The following MECOM variants were observed in gnomAD, a reference collection of about 807,000 sequenced individuals.
The protein encoded by MECOM is histone-lysine N-methyltransferase MECOM.
MECOM carries 13 observed loss-of-function variants against 116.3 expected under a neutral mutation model. The ratio of observed to expected loss-of-function variants is 0.11; its 90% confidence interval spans 0.07 to 0.18. The LOEUF (loss-of-function observed/expected upper bound fraction) is 0.18. Among genes scored for constraint, MECOM ranks in the 10% least tolerant of loss-of-function variants. The pLI, the probability that MECOM is intolerant of heterozygous loss-of-function variation, is 1.00. For missense variants in MECOM, 1,299 were observed against 1,509.0 expected (o/e 0.86, Z 2.31); for synonymous variants, 528 against 535.2 (o/e 0.99, Z 0.19).
At chr3:169,294,765 C>T (rs1715279276) in intron 2 of MECOM, among the ~76,000 whole-genome samples, 1 of 152,120 alleles carries the variant, frequency 6.6e-6, no homozygotes, top group Non-Finnish European at 1.5e-5. Context: ...GACAATCATA[C>T]CCTCCTGCCT....
chr3:169,528,527 C>A (rs1455319757), intron 1 of MECOM, among the ~76,000 whole-genome samples: 1 of 152,168 alleles, frequency 6.6e-6, no homozygotes, highest in Non-Finnish European at 1.5e-5. Flanking sequence ...ATCCAAGTTT[C>A]AAAACATAAT....
intron 2 of MECOM, chr3:169,145,387 G>T (rs1211438365): frequency 7.6e-6 from 2 of 262,782 alleles, no homozygotes; most frequent in African/African-American, 4.4e-5. Flanking sequence ...CCCCATCCCA[G>T]ATGTTGAGAA....
chr3:169,232,886 C>T (rs189888299), intron 2 of MECOM, among the ~76,000 whole-genome samples: 2 of 151,996 alleles, frequency 1.3e-5, no homozygotes, highest in Non-Finnish European at 2.9e-5. Flanking sequence ...TTATAAGCAG[C>T]CTTTTCATGT....
intron 1 of MECOM, among the ~76,000 whole-genome samples, chr3:169,389,043 T>C (rs1417110092): frequency 3.3e-5 from 5 of 152,214 alleles, no homozygotes; most frequent in Non-Finnish European, 5.9e-5. Flanking sequence ...ATTTTTCTCC[T>C]GGTATTGCGG....
chr3:169,562,639 C>G (rs556020957), intron 1 of MECOM, among the ~76,000 whole-genome samples: 1 of 152,248 alleles, frequency 6.6e-6, no homozygotes, highest in South Asian at 2.1e-4. Context: ...CCCACAAAAC[C>G]CTGGAGACTC....
intron 2 of MECOM, among the ~76,000 whole-genome samples, chr3:169,258,739 CAA>C (rs902618948): frequency 6.6e-6 from 1 of 152,196 alleles, no homozygotes; most frequent in Non-Finnish European, 1.5e-5. Flanking sequence ...CTGTATTTTT[CAA>C]AGTCACTAAA....
intron 1 of MECOM, among the ~76,000 whole-genome samples, chr3:169,408,113 T>A (rs1160925380): frequency 6.6e-6 from 1 of 152,150 alleles, no homozygotes; most frequent in Non-Finnish European, 1.5e-5. Flanking sequence ...CTGTACAAAA[T>A]AGCCCACTAC....
chr3:169,464,865 A>G (rs141246558), intron 1 of MECOM, among the ~76,000 whole-genome samples: 4 of 152,248 alleles, frequency 2.6e-5, no homozygotes, highest in African/African-American at 9.6e-5. Flanking sequence ...TAAGAAATTA[A>G]ATTAAACATT....
chr3:169,463,119 A>G (rs1018349935), intron 1 of MECOM, among the ~76,000 whole-genome samples: 2 of 152,214 alleles, frequency 1.3e-5, no homozygotes, highest in Non-Finnish European at 2.9e-5. Context: ...GTCTGTGAGC[A>G]TACAAAATAA....
At chr3:169,177,925 A>AAAAAGGAGAAAAAAAC (rs1745406002) in intron 2 of MECOM, among the ~76,000 whole-genome samples, 1 of 151,990 alleles carries the variant, frequency 6.6e-6, no homozygotes, top group Non-Finnish European at 1.5e-5. Flanking sequence ...GTCTCAAAAA[A>AAAAAGGAGAAAAAAAC]AAAAAGGAGA....
intron 2 of MECOM, among the ~76,000 whole-genome samples, chr3:169,165,657 C>G (rs570491651): frequency 1.1e-3 from 166 of 152,224 alleles, no homozygotes; most frequent in Non-Finnish European, 1.9e-3. Context: ...ACAAGATAAG[C>G]TAACAAAACT....
chr3:169,259,198 T>G (rs1757233499), intron 2 of MECOM, among the ~76,000 whole-genome samples: 1 of 152,238 alleles, frequency 6.6e-6, no homozygotes, highest in Non-Finnish European at 1.5e-5. Context: ...CCCAATTTTT[T>G]TTTTTAAGTG....
rs528785639 is a variant in MECOM at position 169,663,453 on chromosome 3, C to T, written c.-81G>A. 4.8e-5 allele frequency: 68 copies of T among 1,403,418 alleles called. No individual in the cohort carries two copies. Among genetic ancestry groups the T allele is most frequent in the Non-Finnish European group, 6.3e-5 (64 of 1,013,920 alleles). 86.9% of individuals were successfully genotyped at this position (1,403,418 alleles called of 1,614,324 possible). ...CCTTTCCTTCTTTTGCTCTCCCTCT[C>T]GCTCCCTCCCTCTCTCTCCTGTCTC... On this transcript the variant is annotated 5_prime_UTR_variant, in exon 1 of 17. Coordinates refer to ENST00000651503, the MANE Select transcript of MECOM (RefSeq NM_004991.4).
Position 169,100,077 on chromosome 3 carries a change from T to C in MECOM, c.2849+808A>G, listed in dbSNP as rs561379889. 8.8e-4 allele frequency among the ~76,000 whole-genome samples: 114 copies of C among 129,286 alleles called. 2 individuals are homozygous for C. Among genetic ancestry groups the C allele is most frequent in the African/African-American group, 3.1e-3 (107 of 34,704 alleles). 84.8% of individuals were successfully genotyped at this position (129,286 alleles called of 152,430 possible). On this transcript the variant is annotated intron_variant, in intron 12 of 16. Coordinates refer to ENST00000651503, the MANE Select transcript of MECOM (RefSeq NM_004991.4). ...TTCCCAGGTTTAAGATCTATTCTTT[T>C]TTTCTTTCTTTCTTTCTTTCTTTCT...
chr3:169,473,566 C>G (rs1041381573), intron 1 of MECOM, among the ~76,000 whole-genome samples: 1 of 152,010 alleles, frequency 6.6e-6, no homozygotes, highest in Non-Finnish European at 1.5e-5. Context: ...GTCAGGAGAT[C>G]GAGACAATCC....
intron 2 of MECOM, among the ~76,000 whole-genome samples, chr3:169,257,178 T>C (rs1756971519): frequency 6.6e-6 from 1 of 152,248 alleles, no homozygotes; most frequent in Non-Finnish European, 1.5e-5. Context: ...AATAGATTGG[T>C]GTACATGTAC....
chr3:169,561,963 T>G (rs1051499000), intron 1 of MECOM, among the ~76,000 whole-genome samples: 1 of 151,600 alleles, frequency 6.6e-6, no homozygotes, highest in Non-Finnish European at 1.5e-5. Flanking sequence ...CTGGCCAACA[T>G]GGTGAAATCC....
At chr3:169,529,423 T>C (rs1758328206) in intron 1 of MECOM, among the ~76,000 whole-genome samples, 2 of 152,344 alleles carry the variant, frequency 1.3e-5, no homozygotes, top group Admixed American at 6.5e-5. Context: ...CTTGATGGTA[T>C]CTCCACATTT....
chr3:169,454,839 A>G (rs1746206965), intron 1 of MECOM, among the ~76,000 whole-genome samples: 12 of 152,222 alleles, frequency 7.9e-5, no homozygotes, highest in Admixed American at 7.9e-4. Context: ...AAGTCCCATA[A>G]CTAATTATAA....
Sources: allele counts gnomAD v4.1 joint callset (sites outside exome capture counted in the v4.1 genomes callset), GRCh38; gene constraint gnomAD v4.1.1; transcripts MANE v1.5; gene names NCBI Gene and HGNC (gene_info 2026-07-23, HGNC 2026-07-21).